Variants in MAP2 observed in about 807,000 individuals in gnomAD.
MAP2 encodes the protein microtubule-associated protein 2.
MAP2 carries 14 observed loss-of-function variants against 137.6 expected under a neutral mutation model. The ratio of observed to expected loss-of-function variants is 0.10; its 90% CI spans 0.07 to 0.16. The LOEUF (loss-of-function observed/expected upper bound fraction) is 0.16. Among genes scored for constraint, MAP2 ranks in the 10% least tolerant of loss-of-function variants. The pLI is 1.00. For missense variants in MAP2, 2,088 were observed against 2,191.5 expected (o/e 0.95, Z 0.94); for synonymous variants, 786 against 782.3 (o/e 1.00, Z -0.08).
chr2:209,509,912 AT>A (rs988826799), intron 2 of MAP2, among the ~76,000 whole-genome samples: 2 of 151,650 alleles, frequency 1.3e-5, no homozygotes, highest in African/African-American at 4.8e-5. Context: ...AATTGACAGC[AT>A]TTTTTTTCCT....
chr2:209,482,562 CA>C (rs1230194248), intron 1 of MAP2, among the ~76,000 whole-genome samples: 1 of 152,136 alleles, frequency 6.6e-6, no homozygotes. Context: ...TTTTTGCAAA[CA>C]TATTACTGAA....
chr2:209,452,648 T>C (rs997075399), intron 1 of MAP2, among the ~76,000 whole-genome samples: 8 of 152,206 alleles, frequency 5.3e-5, no homozygotes, highest in African/African-American at 1.7e-4. Flanking sequence ...TTTAGAATTC[T>C]GGATAGCAAT....
At chr2:209,601,273 A>T (rs1044312536) in intron 3 of MAP2, among the ~76,000 whole-genome samples, 1 of 152,060 alleles carries the variant, frequency 6.6e-6, no homozygotes, top group Admixed American at 6.5e-5. Flanking sequence ...TTCAGTTTTT[A>T]TTCTTTTTTC....
chr2:209,560,552 C>G (rs927973793), intron 2 of MAP2, among the ~76,000 whole-genome samples: 21 of 150,898 alleles, frequency 1.4e-4, no homozygotes, highest in Non-Finnish European at 2.8e-4. Flanking sequence ...TGCTCATGGC[C>G]CTCTGCAGGC....
intron 3 of MAP2, among the ~76,000 whole-genome samples, chr2:209,589,971 A>G (rs2078805047): frequency 6.6e-6 from 1 of 152,198 alleles, no homozygotes; most frequent in South Asian, 2.1e-4. Context: ...AAGGGGAAGA[A>G]CATATATAAA....
rs760679414 is a variant in MAP2 at position 209,693,806 on chromosome 2, A to G, written c.1636A>G (p.Lys546Glu). The G allele has an allele frequency of 1.2e-6, 2 of 1,614,090 alleles. No homozygotes were observed. The highest frequency in any genetic ancestry group is 1.1e-5 in the South Asian group (1 of 91,068). The change falls in exon 8 of 16, where the codon AAG becomes GAG. Residue 546 changes from lysine (K) to glutamate (E), a missense_variant. Transcript: ENST00000682079. ...LFEMRVDDKD[K>E]IEGVGAATSA... is the part of the protein sequence containing the mutation. ...TGAAATGAGAGTTGATGACAAAGAT[A>G]AGATTGAAGGAGTTGGAGCTGCAAC...
intron 3 of MAP2, among the ~76,000 whole-genome samples, chr2:209,585,281 G>A (rs1279570056): frequency 2.0e-5 from 3 of 150,844 alleles, no homozygotes; most frequent in Non-Finnish European, 4.4e-5. Context: ...AGAAAGAAGA[G>A]GACAGGGAAG....
chr2:209,502,484 C>G (rs1225023015), intron 1 of MAP2, among the ~76,000 whole-genome samples: 1 of 152,120 alleles, frequency 6.6e-6, no homozygotes, highest in Non-Finnish European at 1.5e-5. Context: ...TTAATCCATT[C>G]ATCTGTTGAT....
intron 5 of MAP2, 68 bp from the exon 6 acceptor site, chr2:209,678,504 G>A: frequency 1.3e-6 from 1 of 753,542 alleles, no homozygotes; most frequent in Non-Finnish European, 2.1e-6. Flanking sequence ...ATACTGTTTG[G>A]TTACTTTTCC....
intron 1 of MAP2, among the ~76,000 whole-genome samples, chr2:209,449,866 A>G (rs966323318): frequency 1.3e-5 from 2 of 152,140 alleles, no homozygotes; most frequent in Non-Finnish European, 1.5e-5. Context: ...TTGTATTATC[A>G]GTATTATCTT....
At chr2:209,657,554 A>G (rs1438363647) in intron 5 of MAP2, among the ~76,000 whole-genome samples, 1 of 151,570 alleles carries the variant, frequency 6.6e-6, no homozygotes, top group East Asian at 1.9e-4. Flanking sequence ...TTTTTCATAT[A>G]CCTATTTGGC....
At chr2:209,558,228 A>G (rs147688804) in intron 2 of MAP2, among the ~76,000 whole-genome samples, 3,001 of 152,176 alleles carry the variant, frequency 0.02, 96 homozygotes, top group African/African-American at 0.068. Context: ...TTGCTCTGTC[A>G]CCCAGGCTGG....
chr2:209,628,157 G>A (rs2092597172), intron 4 of MAP2, among the ~76,000 whole-genome samples: 1 of 152,070 alleles, frequency 6.6e-6, no homozygotes, highest in South Asian at 2.1e-4. Flanking sequence ...ACAAGGTCAG[G>A]AGTTTGAGAC....
At chr2:209,613,255 A>C (rs935525788) in intron 3 of MAP2, among the ~76,000 whole-genome samples, 1 of 80,306 alleles carries the variant, frequency 1.2e-5, no homozygotes, top group East Asian at 3.2e-4. Flanking sequence ...TTCTATTTTT[A>C]TTTATTTATT....
intron 2 of MAP2, among the ~76,000 whole-genome samples, chr2:209,560,334 C>A (rs113730825): frequency 4.6e-5 from 7 of 152,026 alleles, no homozygotes; most frequent in Non-Finnish European, 1.0e-4. Flanking sequence ...ACTTTTCTTA[C>A]ATTTATTTAG....
chr2:209,668,675 T>A (rs2047405961), intron 5 of MAP2, among the ~76,000 whole-genome samples: 1 of 152,012 alleles, frequency 6.6e-6, no homozygotes, highest in Non-Finnish European at 1.5e-5. Context: ...ATTTGCAAAG[T>A]CTGTTGATTT....
At chr2:209,714,098 G>A (rs1345238545) in intron 13 of MAP2, among the ~76,000 whole-genome samples, 4 of 152,286 alleles carry the variant, frequency 2.6e-5, no homozygotes, top group Non-Finnish European at 5.9e-5. Context: ...CTACTTGGGA[G>A]GCTGAGGCAG....
intron 1 of MAP2, among the ~76,000 whole-genome samples, chr2:209,431,884 A>G (rs925777993): frequency 1.3e-4 from 20 of 152,188 alleles, no homozygotes; most frequent in Non-Finnish European, 4.4e-5. Flanking sequence ...TGCCAGCTAC[A>G]CTACTGTAAG....
At chr2:209,729,720 T>C (rs955783231) in intron 14 of MAP2, 130 bp from the exon 15 acceptor site, 1 of 620,998 alleles carries the variant, frequency 1.6e-6, no homozygotes, top group Non-Finnish European at 2.9e-6. Flanking sequence ...TCTTTTTACA[T>C]ATATGGTTGG....
Sources: allele counts gnomAD v4.1 joint callset (sites outside exome capture counted in the v4.1 genomes callset), GRCh38; gene constraint gnomAD v4.1.1; transcripts MANE v1.5; gene names NCBI Gene and HGNC (gene_info 2026-07-23, HGNC 2026-07-21).